The following PEX1 variants were observed in gnomAD, a reference collection of about 807,000 sequenced individuals.
The protein encoded by PEX1 is peroxisomal ATPase PEX1.
Under a neutral mutation model 152.5 loss-of-function variants are expected in PEX1, and 97 were observed. The observed-to-expected ratio is 0.64, with a 90% CI of 0.54 to 0.75. The LOEUF (loss-of-function observed/expected upper bound fraction) is 0.75. Among genes scored for constraint, PEX1 ranks in the 30% least tolerant of loss-of-function variants. PEX1 has a pLI of 0.00. For missense variants in PEX1, 1,357 were observed against 1,516.3 expected, an observed-to-expected ratio of 0.89 and a Z score of 1.74; for synonymous variants, 485 against 531.6, an observed-to-expected ratio of 0.91 and a Z score of 1.21.
rs560095065 is a variant in PEX1, at chr7:92,494,314, T to C, written c.3009A>G (p.Val1003=). Residue 1003 remains valine (V), a synonymous_variant, in exon 19 of 24, where the codon GTA becomes GTG. Transcript: ENST00000248633. ...TCACCTGATCAGGAGGAGGACAGTA[T>C]ACACATTTATCTAGTCGACCAGGCC... ...LLRPGRLDKC[V]YCPPPDQVSR... is the part of the protein sequence containing the mutation. The C allele has an allele frequency of 2.2e-5, 35 of 1,613,740 alleles. No homozygotes were observed. In the South Asian group the frequency reaches 3.7e-4, roughly 17 times the overall value.
At chr7:92,489,259 T>C (rs1469012525) in intron 23 of PEX1, 34 bp downstream of exon 23, 2 of 1,584,616 alleles carry the variant, frequency 1.3e-6, no homozygotes, top group Non-Finnish European at 1.7e-6. Flanking sequence ...CTTGTAATAG[T>C]AGCTGTACTT....
intron 23 of PEX1, among the ~76,000 whole-genome samples, chr7:92,489,029 C>G (rs1791110217): frequency 6.6e-6 from 1 of 152,188 alleles, no homozygotes; most frequent in Non-Finnish European, 1.5e-5. Flanking sequence ...CCACAGCACC[C>G]AGCCCAAAGT....
chr7:92,494,986 A>G (rs1350126632), intron 17 of PEX1, among the ~76,000 whole-genome samples: 4 of 151,944 alleles, frequency 2.6e-5, no homozygotes, highest in South Asian at 2.1e-4. Flanking sequence ...CTCTTAGTCA[A>G]TAAGTCAAAC....
chr7:92,507,166 G>A (rs960963813), intron 9 of PEX1, 40 bp from the exon 10 acceptor site: 1 of 1,589,224 alleles, frequency 6.3e-7, no homozygotes, highest in Non-Finnish European at 8.6e-7. Flanking sequence ...AAAGACTGAA[G>A]CAGGATAAAA....
intron 12 of PEX1, 138 bp from the exon 13 acceptor site, chr7:92,503,333 T>C: frequency 1.4e-6 from 1 of 731,416 alleles, no homozygotes; most frequent in South Asian, 1.7e-5. Flanking sequence ...TTCATGTCTT[T>C]AAAAAATGAA....
At chr7:92,516,467 G>T (rs947732416) in intron 5 of PEX1, among the ~76,000 whole-genome samples, 1 of 151,660 alleles carries the variant, frequency 6.6e-6, no homozygotes, top group Non-Finnish European at 1.5e-5. Context: ...GTAGGCCAAA[G>T]AGATTAATGC....
chr7:92,517,871 G>C lies in PEX1; in HGVS notation c.644C>G (p.Thr215Ser), dbSNP rs528883601. 3.2e-6 allele frequency: 5 copies of C among 1,542,704 alleles called. No individual in the cohort carries two copies. In the South Asian group the frequency reaches 6.5e-5, roughly 20 times the overall value. ...CACAGTATTTGACTGAAGTTGCTTG[G>C]TTTGAAGTTCTTTCATCATTCCTTT... Reference protein sequence around the residue: ...DQKGMMKELQTKQLQSNTVGI... With the variant: ...DQKGMMKELQSKQLQSNTVGI... Residue 215 changes from threonine (T) to serine (S), a missense_variant, in exon 5 of 24, where the codon ACC becomes AGC. Thr to Ser is a moderately conservative substitution (Grantham distance 58). Coordinates refer to ENST00000248633, the MANE Select transcript of PEX1 (RefSeq NM_000466.3).
At chr7:92,495,248 T>G (rs1488974774) in intron 17 of PEX1, among the ~76,000 whole-genome samples, 2 of 152,292 alleles carry the variant, frequency 1.3e-5, no homozygotes, top group African/African-American at 2.4e-5. Context: ...TGAATATTAA[T>G]TCCATATCTG....
rs112183909 is a variant in PEX1 at position 92,493,370 on chromosome 7, C to T, written c.3031-241G>A. 27 of 249,542 alleles carry T rather than the reference C, an allele frequency of 1.1e-4. 1 individual carries two copies. The highest frequency in any genetic ancestry group is 4.8e-4 in the African/African-American group (21 of 43,712). The allele number at this position is 249,542 out of a possible 1,614,324, so 15.5% of individuals were successfully genotyped here. On this transcript the variant is annotated intron_variant, in intron 19 of 23. Transcript: ENST00000248633. ...ACTCTTAAGGCTGGGCATGGTGGCT[C>T]ACGCCTGTAATCCCAACACTTTGGG...
intron 1 of PEX1, among the ~76,000 whole-genome samples, chr7:92,527,239 A>G (rs1793312985): frequency 6.6e-6 from 1 of 152,270 alleles, no homozygotes; most frequent in African/African-American, 2.4e-5. Flanking sequence ...AATTAGAGTT[A>G]CTGTAAGAAA....
intron 1 of PEX1, among the ~76,000 whole-genome samples, chr7:92,525,177 G>C (rs1793210537): frequency 6.6e-6 from 1 of 152,276 alleles, no homozygotes; most frequent in South Asian, 2.1e-4. Flanking sequence ...CAGAGCCCTG[G>C]CTATTCAGGT....
chr7:92,501,699 T>C lies in PEX1; in HGVS notation c.2417-26A>G, dbSNP rs747963220. 2.5e-6 allele frequency: 4 copies of C among 1,580,224 alleles called. No individual in the cohort carries two copies. In the East Asian group the frequency reaches 6.8e-5, roughly 27 times the overall value. On this transcript the variant is annotated intron_variant, in intron 14 of 23. Transcript: ENST00000248633. ...CTGTTTAAAAATAAACAAAACTTCTTTTACTAGTTATATTCACTATATGAA... is the reference window on the plus strand; with the variant it reads ...CTGTTTAAAAATAAACAAAACTTCTCTTACTAGTTATATTCACTATATGAA...
At chr7:92,499,568 T>G (rs529340181) in intron 16 of PEX1, 136 bp downstream of exon 16, 4 of 725,014 alleles carry the variant, frequency 5.5e-6, no homozygotes, top group Non-Finnish European at 9.4e-6. Context: ...ATGAAAAAGT[T>G]TTGAAATTAG....
chr7:92,491,503 C>T lies in PEX1; in HGVS notation c.3208-1G>A, dbSNP rs1057517518. The T allele has an allele frequency of 5.7e-6, 9 of 1,568,858 alleles. No homozygotes were observed. The highest frequency in any genetic ancestry group is 1.4e-5 in the African/African-American group (1 of 73,996). On this transcript the variant is annotated splice_acceptor_variant, in intron 20 of 23. Transcript: ENST00000248633. LOFTEE classifies it high-confidence loss of function. ...CACTATCAGAGCTGGAACTTCCATC[C>T]TAAAATACACAAAAGGACAACCAGT...
Position 92,487,405 on chromosome 7 carries a change from AT to A in PEX1, c.*51del, listed in dbSNP as rs1217220150. 1 of 936,772 alleles carries A rather than the reference AT, an allele frequency of 1.1e-6. No individual in the cohort carries two copies. The highest frequency in any genetic ancestry group is 1.7e-6 in the Non-Finnish European group (1 of 582,918). 58.0% of individuals were successfully genotyped at this position (936,772 alleles called of 1,614,324 possible). ...CACCATTTTTTTCCTGTTACAACATATGGAAAAGCCATCAAAAAACTTAACA... is the reference window on the plus strand; with the variant it reads ...CACCATTTTTTTCCTGTTACAACATAGGAAAAGCCATCAAAAAACTTAACA... On this transcript the variant is annotated 3_prime_UTR_variant, in exon 24 of 24. Transcript: ENST00000248633.
chr7:92,492,906 C>A, intron 20 of PEX1, 47 bp downstream of exon 20: 1 of 1,426,796 alleles, frequency 7.0e-7, no homozygotes, highest in Middle Eastern at 1.7e-4. Flanking sequence ...CATTGTACTT[C>A]TTTTATCACT....
At chr7:92,497,791 CG>C (rs1791723743) in intron 16 of PEX1, among the ~76,000 whole-genome samples, 2 of 152,034 alleles carry the variant, frequency 1.3e-5, no homozygotes, top group Non-Finnish European at 2.9e-5. Context: ...AAGGCAAGAC[CG>C]GGCACGGTGG....
rs1440012976 is a variant in PEX1 at position 92,510,948 on chromosome 7, A to G, written c.1583T>C (p.Ile528Thr). The G allele has an allele frequency of 7.0e-7, 1 of 1,429,064 alleles. No homozygotes were observed. The highest frequency in any genetic ancestry group is 9.9e-7 in the Non-Finnish European group (1 of 1,012,584). 88.5% of individuals were successfully genotyped at this position (1,429,064 alleles called of 1,614,324 possible). ...TATTCAATAACATGCTATTACTTGTATTGTAGTCTTCTGCAGCAAATTGGG... is the reference window on the plus strand; with the variant it reads ...TATTCAATAACATGCTATTACTTGTGTTGTAGTCTTCTGCAGCAAATTGGG... ...LSPNLLQKTT[I>T]QVLLDPMVKE... Residue 528 changes from isoleucine (I) to threonine (T), a missense_variant, in exon 8 of 24, where the codon ATA (isoleucine) becomes ACA (threonine). By Grantham distance (89) the Ile-to-Thr change is moderately conservative. Coordinates refer to ENST00000248633, the MANE Select transcript of PEX1 (RefSeq NM_000466.3).
chr7:92,507,935 GC>G, intron 9 of PEX1: 1 of 152,136 alleles, frequency 6.6e-6, no homozygotes, highest in South Asian at 2.1e-4. Context: ...GAGCCACCGC[GC>G]CCAGCCTCCA....
Sources: allele counts gnomAD v4.1 joint callset (sites outside exome capture counted in the v4.1 genomes callset), GRCh38; gene constraint gnomAD v4.1.1; transcripts MANE v1.5; gene names NCBI Gene and HGNC (gene_info 2026-07-23, HGNC 2026-07-21).